The following PPFIBP1 variants were observed in gnomAD, a reference collection of about 807,000 sequenced individuals.
The protein encoded by PPFIBP1 is PPFIB scaffold protein 1.
In PPFIBP1, 112 loss-of-function variants were observed where a neutral mutation model predicts 137.8. That is an observed-to-expected ratio of 0.81 (90% CI 0.70 to 0.95). The LOEUF (loss-of-function observed/expected upper bound fraction) is 0.95, where lower values mean the gene tolerates loss of function less well. PPFIBP1 is among the 40% of genes least tolerant of loss of function. PPFIBP1 has a pLI of 0.00. For missense variants in PPFIBP1, 1,083 were observed against 1,196.6 expected, an observed-to-expected ratio of 0.91 and a Z score of 1.40; for synonymous variants, 378 against 417.3, an observed-to-expected ratio of 0.91 and a Z score of 1.15.
intron 2 of PPFIBP1, among the ~76,000 whole-genome samples, chr12:27,590,699 TGA>T (rs2052398366): frequency 6.6e-6 from 1 of 152,202 alleles, no homozygotes; most frequent in Admixed American, 6.5e-5. Context: ...TCTTTAAGGA[TGA>T]GTTTCCCAGG....
chr12:27,566,844 G>T (rs922465764), intron 1 of PPFIBP1, among the ~76,000 whole-genome samples: 1 of 152,114 alleles, frequency 6.6e-6, no homozygotes, highest in Non-Finnish European at 1.5e-5. Context: ...CCTACTAACC[G>T]CTCTGTACCA....
At chr12:27,626,781 G>A (rs2056854294) in intron 2 of PPFIBP1, among the ~76,000 whole-genome samples, 1 of 152,092 alleles carries the variant, frequency 6.6e-6, no homozygotes, top group African/African-American at 2.4e-5. Context: ...GGCCAGGCTG[G>A]TCTCCGACTC....
At chr12:27,667,059 T>C in intron 12 of PPFIBP1, 107 bp from the exon 13 acceptor site, 1 of 1,174,304 alleles carries the variant, frequency 8.5e-7, no homozygotes, top group Non-Finnish European at 1.1e-6. Flanking sequence ...TTTTTGAGGA[T>C]CAGAAAAAAT....
At chr12:27,597,267 A>C (rs2053427192) in intron 2 of PPFIBP1, among the ~76,000 whole-genome samples, 1 of 152,116 alleles carries the variant, frequency 6.6e-6, no homozygotes, top group Non-Finnish European at 1.5e-5. Flanking sequence ...TCCCGGGTTC[A>C]AGCAATTATC....
chr12:27,651,008 G>T (rs139379088), intron 7 of PPFIBP1, among the ~76,000 whole-genome samples: 2 of 152,242 alleles, frequency 1.3e-5, no homozygotes, highest in Non-Finnish European at 2.9e-5. Flanking sequence ...CAAGGAGAGA[G>T]GAGAGAAAAT....
chr12:27,528,503 C>T (rs372400300), intron 1 of PPFIBP1, among the ~76,000 whole-genome samples: 3 of 152,092 alleles, frequency 2.0e-5, no homozygotes, highest in Non-Finnish European at 1.5e-5. Flanking sequence ...ATGTCACTGC[C>T]GCAAAAATTG....
At position 27,556,828 on chromosome 12, in the gene PPFIBP1, A is replaced by C. The variant is rs549328260; in HGVS notation, c.-123-21324A>C. The stretch of plus-strand genomic sequence containing the variant: ...TCCTTGGAATTGTCGGGGGCTAATA[A>C]ATTAATATATGTAGGCCTGTACTTT... On this transcript the variant is annotated intron_variant, in intron 1 of 29. Transcript: ENST00000228425. Among the ~76,000 whole-genome samples the C allele has an allele frequency of 8.5e-5, 13 of 152,200 alleles. No individual in the cohort carries two copies. The South Asian group carries it at 2.3e-3, about 27-fold the overall frequency.
chr12:27,672,816 G>A (rs1487005394), intron 15 of PPFIBP1, among the ~76,000 whole-genome samples: 1 of 152,140 alleles, frequency 6.6e-6, no homozygotes, highest in Admixed American at 6.6e-5. Context: ...CAGTGGGAAG[G>A]CATCACAGGG....
intron 8 of PPFIBP1, 131 bp downstream of exon 8, chr12:27,654,945 C>T: frequency 4.3e-6 from 6 of 1,395,576 alleles, no homozygotes; most frequent in Admixed American, 2.8e-5. Context: ...ATGAAGATTT[C>T]CCCCCAAGCT....
intron 2 of PPFIBP1, among the ~76,000 whole-genome samples, chr12:27,582,616 T>C (rs1297159016): frequency 6.6e-6 from 1 of 152,226 alleles, no homozygotes; most frequent in African/African-American, 2.4e-5. Context: ...GCATTCCTTC[T>C]GTACTGTAGC....
At chr12:27,546,559 G>GT (rs1365157368) in intron 1 of PPFIBP1, among the ~76,000 whole-genome samples, 2 of 152,098 alleles carry the variant, frequency 1.3e-5, no homozygotes, top group Non-Finnish European at 1.5e-5. Flanking sequence ...TTCCCTTGAA[G>GT]TTTTTTGGAA....
At chr12:27,676,973 A>G (rs551112444) in intron 18 of PPFIBP1, 91 bp from the exon 19 acceptor site, 1 of 1,545,378 alleles carries the variant, frequency 6.5e-7, no homozygotes, top group Admixed American at 1.7e-5. Context: ...GTATTTGGCG[A>G]GGAGGAGTCT....
intron 2 of PPFIBP1, among the ~76,000 whole-genome samples, chr12:27,612,519 T>A (rs2055247304): frequency 6.6e-6 from 1 of 151,918 alleles, no homozygotes. Context: ...GCTAACTGTT[T>A]GTTTGTTTTA....
intron 1 of PPFIBP1, among the ~76,000 whole-genome samples, chr12:27,539,871 T>G (rs1162945970): frequency 6.6e-6 from 1 of 152,152 alleles, no homozygotes; most frequent in African/African-American, 2.4e-5. Context: ...ATTCCTATAT[T>G]TTTTCCATAG....
chr12:27,550,660 G>A (rs757709184), intron 1 of PPFIBP1, among the ~76,000 whole-genome samples: 55 of 152,184 alleles, frequency 3.6e-4, no homozygotes, highest in African/African-American at 8.7e-4. Context: ...CTGTGCCACC[G>A]CGAATTGTAA....
In PPFIBP1 at chr12:27,525,513, GAAA is replaced by G. The variant is rs56656340; in HGVS notation, c.-124+1169_-124+1171del. Among the ~76,000 whole-genome samples, 612 of 93,732 alleles carry G rather than the reference GAAA, an allele frequency of 6.5e-3. 3 individuals are homozygous for G. Among genetic ancestry groups the G allele is most frequent in the South Asian group, 0.039 (88 of 2,282 alleles). The allele number at this position is 93,732 out of a possible 152,430, so 61.5% of individuals were successfully genotyped here. A position where few individuals can be genotyped will look rare whatever the true frequency, so the allele number is the denominator to read the frequency against. On this transcript the variant is annotated intron_variant, in intron 1 of 29. Transcript: ENST00000228425. ...TAAGGCTCTCTTTTGGAGCAGGAAG[GAAA>G]AAAAAAAAAAAAAAAAAAAAGTAAG...
chr12:27,602,853 A>G (rs1289867730), intron 2 of PPFIBP1, among the ~76,000 whole-genome samples: 1 of 152,212 alleles, frequency 6.6e-6, no homozygotes, highest in Non-Finnish European at 1.5e-5. Flanking sequence ...GTGTATAGAT[A>G]GCCTCATTTA....
chr12:27,538,178 C>T (rs66493962), intron 1 of PPFIBP1: 29,154 of 152,194 alleles, frequency 0.19, 2,963 homozygotes, highest in Middle Eastern at 0.26. Flanking sequence ...TTTTTCCTAT[C>T]GCTCTTCTCT....
At chr12:27,659,214 T>A (rs1264058372) in intron 10 of PPFIBP1, among the ~76,000 whole-genome samples, 1 of 152,228 alleles carries the variant, frequency 6.6e-6, no homozygotes, top group Non-Finnish European at 1.5e-5. Context: ...AAAGATAATT[T>A]TGAAATTTGC....
Sources: gnomAD v4.1 joint callset for allele counts (sites outside exome capture counted in the v4.1 genomes callset) on GRCh38, gnomAD v4.1.1 for gene constraint, MANE v1.5 for transcripts, NCBI Gene and HGNC (gene_info 2026-07-23, HGNC 2026-07-21) for gene names.